Variants in SUMF1 observed in about 807,000 individuals in gnomAD.
The protein encoded by SUMF1 is sulfatase modifying factor 1, also known as formylglycine-generating enzyme.
Under a neutral mutation model 47.6 loss-of-function variants are expected in SUMF1, and 48 were observed. The observed-to-expected ratio is 1.01, with a 90% CI of 0.80 to 1.28. SUMF1 has a LOEUF of 1.28. Among genes scored for constraint, SUMF1 ranks in the 50% most tolerant of loss-of-function variants. The probability of loss-of-function intolerance (pLI) is 0.00; values close to 1 mark genes in which losing one functional copy is unlikely to be tolerated. For missense variants in SUMF1, 571 were observed against 485.4 expected (o/e 1.18, Z -1.66); for synonymous variants, 230 against 192.1 (o/e 1.20, Z -1.63).
intron 8 of SUMF1, among the ~76,000 whole-genome samples, chr3:4,220,941 C>A (rs1017303349): frequency 6.6e-6 from 1 of 152,068 alleles, no homozygotes; most frequent in Admixed American, 6.6e-5. Context: ...AGAGTGTGCA[C>A]CAGAGTCTCA....
chr3:4,280,465 T>G (rs556679911), intron 8 of SUMF1, among the ~76,000 whole-genome samples: 1 of 152,120 alleles, frequency 6.6e-6, no homozygotes, highest in East Asian at 1.9e-4. Flanking sequence ...CTTAAAATTT[T>G]TTTTATAAAG....
intron 8 of SUMF1, among the ~76,000 whole-genome samples, chr3:4,072,298 G>C (rs1695546409): frequency 1.3e-5 from 2 of 152,054 alleles, no homozygotes; most frequent in African/African-American, 4.8e-5. Flanking sequence ...TCAACAAAAA[G>C]GACATCCACA....
At chr3:4,378,134 T>C (rs1287461486) in intron 7 of SUMF1, among the ~76,000 whole-genome samples, 1 of 152,172 alleles carries the variant, frequency 6.6e-6, no homozygotes, top group African/African-American at 2.4e-5. Flanking sequence ...AAAAATGCAT[T>C]TAATACTCCT....
intron 8 of SUMF1, among the ~76,000 whole-genome samples, chr3:4,168,124 T>A (rs1694753076): frequency 6.6e-6 from 1 of 152,130 alleles, no homozygotes; most frequent in African/African-American, 2.4e-5. Context: ...GCACACTATA[T>A]CCCTTCAATC....
intron 8 of SUMF1, among the ~76,000 whole-genome samples, chr3:4,321,470 T>TAAAAAAAAAA (rs1206478992): frequency 6.3e-3 from 395 of 63,128 alleles, no homozygotes; most frequent in Non-Finnish European, 8.0e-3. Flanking sequence ...AAGGAAATGC[T>TAAAAAAAAAA]AAAAAAAAAA....
intron 9 of SUMF1, among the ~76,000 whole-genome samples, chr3:4,043,856 A>T (rs1004788806): frequency 2.0e-5 from 3 of 152,144 alleles, no homozygotes; most frequent in Non-Finnish European, 4.4e-5. Flanking sequence ...TAAAAGAGTT[A>T]AAAAATTGAC....
intron 8 of SUMF1, among the ~76,000 whole-genome samples, chr3:4,138,141 T>C (rs1475635609): frequency 6.6e-6 from 1 of 152,028 alleles, no homozygotes; most frequent in African/African-American, 2.4e-5. Flanking sequence ...TAGAAATAAA[T>C]AAAAGACCTA....
At chr3:4,142,296 G>C (rs1046564704) in intron 8 of SUMF1, among the ~76,000 whole-genome samples, 3 of 152,032 alleles carry the variant, frequency 2.0e-5, no homozygotes, top group Admixed American at 2.0e-4. Context: ...ATAGAGTTTT[G>C]ACAATTCCAT....
chr3:4,204,949 G>T (rs1052851532), intron 8 of SUMF1, among the ~76,000 whole-genome samples: 2 of 151,860 alleles, frequency 1.3e-5, no homozygotes, highest in Non-Finnish European at 2.9e-5. Flanking sequence ...TCTCTGAAAG[G>T]TCACATATCT....
At chr3:4,051,340 G>A (rs1574846046) in intron 9 of SUMF1, among the ~76,000 whole-genome samples, 1 of 151,980 alleles carries the variant, frequency 6.6e-6, no homozygotes, top group South Asian at 2.1e-4. Context: ...ACATTCCTAC[G>A]TTCTTTTCTT....
At chr3:4,145,236 G>A (rs1482622153) in intron 8 of SUMF1, among the ~76,000 whole-genome samples, 1 of 146,122 alleles carries the variant, frequency 6.8e-6, no homozygotes, top group African/African-American at 2.5e-5. Flanking sequence ...AGTCATGCAT[G>A]TAATACCTGA....
chr3:4,382,890 G>A (rs1466052650), intron 7 of SUMF1, among the ~76,000 whole-genome samples: 1 of 152,046 alleles, frequency 6.6e-6, no homozygotes, highest in African/African-American at 2.4e-5. Flanking sequence ...TGGACACAGG[G>A]AGGGGAACAT....
chr3:4,259,941 G>A (rs760651171), intron 8 of SUMF1, among the ~76,000 whole-genome samples: 1 of 151,508 alleles, frequency 6.6e-6, no homozygotes. Context: ...GGAATGCTCA[G>A]AGGAGAAGTT....
At chr3:4,437,292 G>A (rs1416421997) in intron 3 of SUMF1, among the ~76,000 whole-genome samples, 1 of 152,182 alleles carries the variant, frequency 6.6e-6, no homozygotes, top group Non-Finnish European at 1.5e-5. Flanking sequence ...AAGGTCATGG[G>A]ATTATTCAAC....
chr3:4,237,857 T>C (rs1696443341), intron 8 of SUMF1, among the ~76,000 whole-genome samples: 1 of 152,202 alleles, frequency 6.6e-6, no homozygotes, highest in South Asian at 2.1e-4. Context: ...GGTATACATG[T>C]GCCATGGTGA....
chr3:4,100,798 C>T (rs1392655438), intron 8 of SUMF1, among the ~76,000 whole-genome samples: 1 of 151,984 alleles, frequency 6.6e-6, no homozygotes, highest in East Asian at 1.9e-4. Flanking sequence ...ACTCAAACTA[C>T]CCAATAACAA....
intron 7 of SUMF1, among the ~76,000 whole-genome samples, chr3:4,396,073 T>C (rs997265007): frequency 4.6e-5 from 7 of 152,196 alleles, no homozygotes; most frequent in Non-Finnish European, 8.8e-5. Flanking sequence ...GGCACAGATA[T>C]AAACCAGGAA....
At chr3:4,345,461 A>G (rs308714) in intron 8 of SUMF1, among the ~76,000 whole-genome samples, 117,930 of 152,120 alleles carry the variant, frequency 0.78, 46,161 homozygotes, top group African/African-American at 0.88. Flanking sequence ...GAGAAATAAA[A>G]TCCTTTCCAG....
chr3:4,218,515 A>T (rs748219177), intron 8 of SUMF1, among the ~76,000 whole-genome samples: 11 of 152,142 alleles, frequency 7.2e-5, no homozygotes, highest in Non-Finnish European at 1.2e-4. Flanking sequence ...ACAACACAGT[A>T]CATTTACAAG....
Sources: allele counts gnomAD v4.1 joint callset (sites outside exome capture counted in the v4.1 genomes callset), GRCh38; gene constraint gnomAD v4.1.1; transcripts MANE v1.5; gene names NCBI Gene and HGNC (gene_info 2026-07-23, HGNC 2026-07-21).